Variants in MYT1L observed in about 807,000 individuals in gnomAD.
MYT1L encodes myelin transcription factor 1 like.
MYT1L carries 12 observed loss-of-function variants against 126.7 expected under a neutral mutation model. That is an observed-to-expected ratio of 0.09 (90% confidence interval 0.06 to 0.15). The LOEUF (loss-of-function observed/expected upper bound fraction) is 0.15. Among genes scored for constraint, MYT1L ranks in the 10% least tolerant of loss-of-function variants. The pLI is 1.00. For missense variants in MYT1L, 979 were observed against 1,585.2 expected, an observed-to-expected ratio of 0.62 and a Z score of 6.49; for synonymous variants, 541 against 604.2, an observed-to-expected ratio of 0.90 and a Z score of 1.53.
chr2:2,013,513 G>T (rs141413293), intron 4 of MYT1L, among the ~76,000 whole-genome samples: 15 of 152,312 alleles, frequency 9.8e-5, no homozygotes, highest in African/African-American at 3.4e-4. Context: ...GCCTGGAACC[G>T]GAGGCTCATG....
chr2:2,140,393 G>T (rs982424905), intron 3 of MYT1L, among the ~76,000 whole-genome samples: 1 of 149,712 alleles, frequency 6.7e-6, no homozygotes, highest in African/African-American at 2.4e-5. Flanking sequence ...CTTTTTGCAA[G>T]ATAATGGATC....
rs79621576 is a variant in MYT1L, at chr2:1,971,389, A to G, written c.152+7776T>C. Reference sequence around the variant, plus strand: ...ATGGCCAGGTGTTCATTTTGTACACAGAAGACTTACTGTGACAATAAAGGT... The same window carrying G: ...ATGGCCAGGTGTTCATTTTGTACACGGAAGACTTACTGTGACAATAAAGGT... On this transcript the variant is annotated intron_variant, in intron 8 of 24. Coordinates refer to ENST00000647738, the MANE Select transcript of MYT1L (RefSeq NM_001303052.2). 3.9e-5 allele frequency among the ~76,000 whole-genome samples: 6 copies of G among 152,330 alleles called. No individual in the cohort carries two copies. In the East Asian group the frequency reaches 9.6e-4, roughly 24 times the overall value.
At chr2:1,962,963 A>C (rs1187684251) in intron 8 of MYT1L, among the ~76,000 whole-genome samples, 1 of 152,256 alleles carries the variant, frequency 6.6e-6, no homozygotes, top group Non-Finnish European at 1.5e-5. Flanking sequence ...GAATGTACTT[A>C]ATGGCAACTG....
intron 14 of MYT1L, among the ~76,000 whole-genome samples, chr2:1,893,305 C>T (rs1431277031): frequency 6.6e-6 from 1 of 152,246 alleles, no homozygotes; most frequent in African/African-American, 2.4e-5. Context: ...CATGGCCAGA[C>T]ATTTCTCTTG....
At chr2:2,113,030 C>A (rs1406549139) in intron 3 of MYT1L, among the ~76,000 whole-genome samples, 1 of 152,150 alleles carries the variant, frequency 6.6e-6, no homozygotes, top group South Asian at 2.1e-4. Context: ...GTGGCCACGA[C>A]GAGGAGCATA....
At chr2:1,881,137 C>T (rs1000897199) in intron 18 of MYT1L, among the ~76,000 whole-genome samples, 10 of 152,146 alleles carry the variant, frequency 6.6e-5, no homozygotes, top group African/African-American at 2.4e-4. Flanking sequence ...CTCAGGCTTA[C>T]TGTGAGAGGA....
intron 2 of MYT1L, among the ~76,000 whole-genome samples, chr2:2,198,450 A>T: frequency 6.6e-6 from 1 of 152,240 alleles, no homozygotes; most frequent in East Asian, 1.9e-4. Flanking sequence ...AAATGGTAAA[A>T]GTTTAAAATG....
chr2:2,161,431 G>T lies in MYT1L; in HGVS notation c.-304+11441C>A, dbSNP rs967032325. Among the ~76,000 whole-genome samples the T allele has an allele frequency of 7.9e-5, 12 of 152,362 alleles. No individual in the cohort carries two copies. In the East Asian group the frequency reaches 2.3e-3, roughly 29 times the overall value. ...ACTTGGATTTGCTTCAGAGTGACCC[G>T]TGCCTGCACGAGGAAGAATGGTCGG... On this transcript the variant is annotated intron_variant, in intron 3 of 24. Coordinates refer to ENST00000647738, the MANE Select transcript of MYT1L (RefSeq NM_001303052.2).
rs77410114 is a variant in MYT1L at position 2,320,499 on chromosome 2, A to C, written c.-521+10468T>G. ...CCTAGAAAAAAAAAAAAGAAAAAAA[A>C]AGCCAGCAAAGAAAGGAATTTCCCT... On this transcript the variant is annotated intron_variant, in intron 1 of 24. Coordinates refer to ENST00000647738, the MANE Select transcript of MYT1L (RefSeq NM_001303052.2). 4.3e-3 allele frequency among the ~76,000 whole-genome samples: 650 copies of C among 152,196 alleles called. 30 individuals are homozygous for C. In the East Asian group the frequency reaches 0.094, roughly 22 times the overall value.
At chr2:2,185,627 T>C (rs878974642) in intron 2 of MYT1L, among the ~76,000 whole-genome samples, 4,656 of 96,900 alleles carry the variant, frequency 0.048, 214 homozygotes, top group African/African-American at 0.099. Context: ...GCGTTCCTTC[T>C]GTGAGGCGGA....
intron 2 of MYT1L, among the ~76,000 whole-genome samples, chr2:2,181,186 A>G (rs1161370964): frequency 6.8e-6 from 1 of 147,680 alleles, no homozygotes; most frequent in Non-Finnish European, 1.5e-5. Flanking sequence ...ATCTGTACCT[A>G]TGATCTATGT....
At chr2:2,115,526 C>T (rs939929898) in intron 3 of MYT1L, among the ~76,000 whole-genome samples, 1 of 152,162 alleles carries the variant, frequency 6.6e-6, no homozygotes, top group Admixed American at 6.5e-5. Flanking sequence ...AGCGAAGTGA[C>T]AATGAACAGA....
chr2:1,854,816 T>C (rs929052062), intron 18 of MYT1L, among the ~76,000 whole-genome samples: 1 of 152,110 alleles, frequency 6.6e-6, no homozygotes, highest in African/African-American at 2.4e-5. Flanking sequence ...CCTGACGTCG[T>C]CTCCTTCTCT....
In MYT1L at chr2:2,003,116, C is replaced by G. The variant is rs116879576; in HGVS notation, c.-157-5769G>C. 3.9e-5 allele frequency among the ~76,000 whole-genome samples: 6 copies of G among 152,262 alleles called. No individual in the cohort carries two copies. The East Asian group carries it at 1.2e-3, about 29-fold the overall frequency. On this transcript the variant is annotated intron_variant, in intron 4 of 24. Coordinates refer to ENST00000647738, the MANE Select transcript of MYT1L (RefSeq NM_001303052.2). The stretch of plus-strand genomic sequence containing the variant: ...CAACCCCACGGTAAGCTTACAACTG[C>G]TCCAAAATATGCACCTGTTCTTCCT...
chr2:1,909,818 G>T (rs188987355), intron 13 of MYT1L, among the ~76,000 whole-genome samples: 1 of 152,132 alleles, frequency 6.6e-6, no homozygotes, highest in Admixed American at 6.5e-5. Flanking sequence ...TGTGCACAGG[G>T]TGCTCATACC....
At chr2:2,013,207 C>A (rs983032150) in intron 4 of MYT1L, among the ~76,000 whole-genome samples, 1 of 152,186 alleles carries the variant, frequency 6.6e-6, no homozygotes, top group Admixed American at 6.5e-5. Flanking sequence ...ACAAATGAAG[C>A]AACTGAAGCC....
intron 3 of MYT1L, among the ~76,000 whole-genome samples, chr2:2,161,414 T>C (rs987377910): frequency 2.0e-4 from 31 of 152,234 alleles, no homozygotes; most frequent in African/African-American, 6.5e-4. Context: ...TCACTTGGAT[T>C]TGCTTCAGAG....
chr2:1,881,799 G>C (rs1432333640), intron 18 of MYT1L, among the ~76,000 whole-genome samples: 1 of 152,214 alleles, frequency 6.6e-6, no homozygotes, highest in African/African-American at 2.4e-5. Flanking sequence ...GTGTGTGTGT[G>C]CATGTGTATG....
At position 1,799,668 on chromosome 2, in the gene MYT1L, G is replaced by T. The variant is rs371973944; in HGVS notation, c.3276+2028C>A. Among the ~76,000 whole-genome samples, 2 of 152,360 alleles carry T rather than the reference G, an allele frequency of 1.3e-5. 1 individual carries two copies. The highest frequency in any genetic ancestry group is 3.9e-4 in the East Asian group (2 of 5,184). Reference sequence around the variant, plus strand: ...AGTGCCCCAAAAGGTGCCATTCAAAGGAGGAAATAAATTAAGATTTTCAGG... The same window carrying T: ...AGTGCCCCAAAAGGTGCCATTCAAATGAGGAAATAAATTAAGATTTTCAGG... On this transcript the variant is annotated intron_variant, in intron 23 of 24. Coordinates refer to ENST00000647738, the MANE Select transcript of MYT1L (RefSeq NM_001303052.2).
Sources: gnomAD v4.1 joint callset for allele counts (sites outside exome capture counted in the v4.1 genomes callset) on GRCh38, gnomAD v4.1.1 for gene constraint, MANE v1.5 for transcripts, NCBI Gene and HGNC (gene_info 2026-07-23, HGNC 2026-07-21) for gene names.